Variants in STK24 observed in about 807,000 individuals in gnomAD.
STK24 encodes serine/threonine-protein kinase 24.
In STK24, 21 loss-of-function variants were observed where a neutral mutation model predicts 55.6. The observed-to-expected ratio is 0.38, with a 90% CI of 0.27 to 0.54. The LOEUF (loss-of-function observed/expected upper bound fraction) is 0.54, where lower values mean the gene tolerates loss of function less well. STK24 is among the 20% of genes least tolerant of loss of function. The pLI is 0.79. For synonymous variants in STK24, 200 were observed against 215.2 expected, an observed-to-expected ratio of 0.93 and a Z score of 0.62; for missense variants, 383 against 538.4, an observed-to-expected ratio of 0.71 and a Z score of 2.86.
rs187175889 is a variant in STK24, at chr13:98,576,618, C to A, written c.42+127G>T. On this transcript the variant is annotated intron_variant, in intron 1 of 10. Transcript: ENST00000539966. ...GACTCGGACCCCCGGCCGAGCCGGGCGCGCGGGGAGCCAGGCTCCGGCGCG... is the reference window on the plus strand; with the variant it reads ...GACTCGGACCCCCGGCCGAGCCGGGAGCGCGGGGAGCCAGGCTCCGGCGCG... The A allele has an allele frequency of 4.1e-3, 2,924 of 712,756 alleles. 108 individuals carry two copies. In the East Asian group the frequency reaches 0.094, roughly 23 times the overall value. The allele number at this position is 712,756 out of a possible 1,614,324, so 44.2% of individuals were successfully genotyped here.
At chr13:98,549,491 C>T (rs961981776) in intron 1 of STK24, among the ~76,000 whole-genome samples, 8 of 152,192 alleles carry the variant, frequency 5.3e-5, no homozygotes, top group Non-Finnish European at 1.2e-4. Flanking sequence ...GTGTTTGGAT[C>T]ATGGGGGTGG....
At chr13:98,534,329 T>C (rs1279277178) in intron 1 of STK24, among the ~76,000 whole-genome samples, 2 of 152,208 alleles carry the variant, frequency 1.3e-5, no homozygotes, top group Non-Finnish European at 2.9e-5. Flanking sequence ...AGATCTGACC[T>C]AACCGACTCC....
At chr13:98,575,444 C>T (rs1897863498) in intron 1 of STK24, among the ~76,000 whole-genome samples, 1 of 151,974 alleles carries the variant, frequency 6.6e-6, no homozygotes, top group Non-Finnish European at 1.5e-5. Context: ...CACACACACA[C>T]ACTTGGACTA....
intron 5 of STK24, among the ~76,000 whole-genome samples, chr13:98,468,461 G>C (rs1894001492): frequency 6.6e-6 from 1 of 152,232 alleles, no homozygotes; most frequent in African/African-American, 2.4e-5. Flanking sequence ...GGGTGGGCAA[G>C]CACCCAGAAC....
intron 2 of STK24, among the ~76,000 whole-genome samples, chr13:98,489,051 G>A (rs1894918409): frequency 6.6e-6 from 1 of 152,216 alleles, no homozygotes; most frequent in East Asian, 1.9e-4. Flanking sequence ...TTTCCGCGCA[G>A]ATGACGCATG....
At chr13:98,506,359 C>T (rs777548530) in intron 2 of STK24, among the ~76,000 whole-genome samples, 13 of 152,200 alleles carry the variant, frequency 8.5e-5, no homozygotes, top group Admixed American at 2.6e-4. Flanking sequence ...ATAACTGGAA[C>T]GGCTGCAATG....
intron 9 of STK24, among the ~76,000 whole-genome samples, chr13:98,458,619 C>T (rs1252824238): frequency 6.6e-6 from 1 of 152,196 alleles, no homozygotes; most frequent in Admixed American, 6.5e-5. Context: ...TTACAAGTCC[C>T]GAGAGGGTCA....
rs1203591196 is a variant in STK24, at chr13:98,445,707, CT to C, written c.*7465del. ...GTGTCACAGGGCACACCCCTCTCCC[CT>C]CAAGGTGGCTCTTCTCCTCAGGACA... On this transcript the variant is annotated 3_prime_UTR_variant, in exon 11 of 11. Transcript: ENST00000539966. The C allele has an allele frequency of 5.3e-4, 84 of 159,126 alleles. 2 individuals carry two copies. In the East Asian group the frequency reaches 0.015, roughly 29 times the overall value. 9.9% of individuals were successfully genotyped at this position (159,126 alleles called of 1,614,324 possible). A position where few individuals can be genotyped will look rare whatever the true frequency, so the allele number is the denominator to read the frequency against.
chr13:98,529,760 G>A (rs1055602042), intron 1 of STK24, among the ~76,000 whole-genome samples: 2 of 152,016 alleles, frequency 1.3e-5, no homozygotes, highest in Non-Finnish European at 2.9e-5. Context: ...GTCCTAACAC[G>A]AGGCTTCCAG....
At chr13:98,522,110 C>T (rs1388000384) in intron 1 of STK24, 3 of 1,306,062 alleles carry the variant, frequency 2.3e-6, no homozygotes, top group Non-Finnish European at 2.9e-6. Flanking sequence ...GTCACCAGTG[C>T]TGCAATGTCG....
intron 4 of STK24, 29 bp from the exon 5 acceptor site, chr13:98,475,007 G>A: frequency 6.3e-7 from 1 of 1,587,728 alleles, no homozygotes; most frequent in South Asian, 1.2e-5. Context: ...GCGGCCCTGG[G>A]CGGTGCGGAC....
rs116331679 is a variant in STK24 at position 98,549,884 on chromosome 13, A to T, written c.42+26861T>A. ...AAACACAATTGCACTAAGATTCACA[A>T]CATGACTGTGGAGAGCCATAAGCAT... On this transcript the variant is annotated intron_variant, in intron 1 of 10. Transcript: ENST00000539966. 9.8e-3 allele frequency among the ~76,000 whole-genome samples: 1,499 copies of T among 152,294 alleles called. 27 individuals are homozygous for T. The highest frequency in any genetic ancestry group is 0.034 in the African/African-American group (1,405 of 41,556).
intron 1 of STK24, among the ~76,000 whole-genome samples, chr13:98,536,153 A>G (rs1012723595): frequency 4.8e-5 from 7 of 145,966 alleles, no homozygotes; most frequent in Non-Finnish European, 8.8e-5. Flanking sequence ...CACCGGGGGG[A>G]AAAATGTCAC....
chr13:98,499,405 G>A (rs1594614505), intron 2 of STK24, among the ~76,000 whole-genome samples: 1 of 152,168 alleles, frequency 6.6e-6, no homozygotes, highest in African/African-American at 2.4e-5. Flanking sequence ...CACCCTCCTG[G>A]TGTGTTCCCA....
intron 2 of STK24, among the ~76,000 whole-genome samples, chr13:98,515,859 T>C (rs144556599): frequency 5.0e-4 from 76 of 152,332 alleles, no homozygotes; most frequent in Non-Finnish European, 8.8e-4. Flanking sequence ...GGTGAAATCC[T>C]AAGGCCCTCT....
At chr13:98,477,830 C>T (rs573016029) in intron 3 of STK24, among the ~76,000 whole-genome samples, 8 of 152,242 alleles carry the variant, frequency 5.3e-5, no homozygotes, top group South Asian at 2.1e-4. Context: ...AACGGCAGAG[C>T]GGCCTGCTGT....
intron 9 of STK24, among the ~76,000 whole-genome samples, chr13:98,459,400 C>T (rs1172448511): frequency 6.6e-6 from 1 of 152,166 alleles, no homozygotes; most frequent in East Asian, 1.9e-4. Context: ...CAGCCCTGCT[C>T]CCACCGGGCC....
chr13:98,567,942 A>AG lies in STK24; in HGVS notation c.42+8802_42+8803insC, dbSNP rs1566409303. Among the ~76,000 whole-genome samples the AG allele has an allele frequency of 1.5e-4, 18 of 123,276 alleles. 1 individual carries two copies. The highest frequency in any genetic ancestry group is 5.6e-4 in the Admixed American group (7 of 12,528). 80.9% of individuals were successfully genotyped at this position (123,276 alleles called of 152,430 possible). Reference sequence around the variant, plus strand: ...AAGTAGGTAGTGGTTTAAAAAAAAAAAGGGGGGGGGTGGGGAGTAGAGGAA... The same window carrying AG: ...AAGTAGGTAGTGGTTTAAAAAAAAAAGAGGGGGGGGGTGGGGAGTAGAGGAA... On this transcript the variant is annotated intron_variant, in intron 1 of 10. Transcript: ENST00000539966.
At chr13:98,575,655 A>G (rs970423268) in intron 1 of STK24, among the ~76,000 whole-genome samples, 2 of 152,108 alleles carry the variant, frequency 1.3e-5, no homozygotes, top group Non-Finnish European at 2.9e-5. Context: ...ACAGGGAAGG[A>G]GCCTGTTGGT....
Sources: allele counts gnomAD v4.1 joint callset (sites outside exome capture counted in the v4.1 genomes callset), GRCh38; gene constraint gnomAD v4.1.1; transcripts MANE v1.5; gene names NCBI Gene and HGNC (gene_info 2026-07-23, HGNC 2026-07-21).